The following SVIL variants were observed in gnomAD, a reference collection of about 807,000 sequenced individuals.
The protein encoded by SVIL is supervillin, also known as archvillin.
Under a neutral mutation model 240.4 loss-of-function variants are expected in SVIL, and 101 were observed. That is an observed-to-expected ratio of 0.42 (90% CI 0.36 to 0.50). The LOEUF (loss-of-function observed/expected upper bound fraction) is 0.50, where lower values mean the gene tolerates loss of function less well. Ranked by LOEUF, SVIL falls within the 20% of genes least tolerant of loss-of-function variation. The probability of loss-of-function intolerance (pLI) is 0.01; values close to 1 mark genes in which losing one functional copy is unlikely to be tolerated. For missense variants in SVIL, 2,512 were observed against 2,818.7 expected (o/e 0.89, Z 2.46); for synonymous variants, 999 against 1,100.0 (o/e 0.91, Z 1.82).
intron 28 of SVIL, among the ~76,000 whole-genome samples, chr10:29,481,223 T>C (rs1037346325): frequency 4.6e-5 from 7 of 151,734 alleles, no homozygotes; most frequent in African/African-American, 1.7e-4. Flanking sequence ...AGTATTTTAG[T>C]TGACACATTA....
intron 1 of SVIL, among the ~76,000 whole-genome samples, chr10:29,586,423 G>C (rs987352489): frequency 2.0e-5 from 3 of 152,084 alleles, no homozygotes; most frequent in African/African-American, 7.2e-5. Context: ...CTAGATACAT[G>C]AGCTATACCA....
In SVIL at chr10:29,512,789, C is replaced by T. The variant is rs1298518259; in HGVS notation, c.3462G>A (p.Lys1154=). The part of the protein sequence containing the change: ...NRLSRRQEGG[K]APASSLHTQE... ...GGGTGTGCAGGCTGCTGGCCGGCGC[C>T]TTGCCGCCCTCCTGCCTCCTGCTGA... Residue 1154 remains lysine (K), a synonymous_variant, in exon 17 of 38, where the codon AAG becomes AAA. Coordinates refer to ENST00000355867, the MANE Select transcript of SVIL (RefSeq NM_021738.3). 2 of 1,613,482 alleles carry T rather than the reference C, an allele frequency of 1.2e-6. No homozygotes were observed. Among genetic ancestry groups the T allele is most frequent in the East Asian group, 4.5e-5 (2 of 44,892 alleles).
At chr10:29,639,172 TTTTG>T (rs1328163565), upstream of SVIL, among the ~76,000 whole-genome samples, 2 of 152,128 alleles carry the variant, frequency 1.3e-5, no homozygotes, top group Non-Finnish European at 2.9e-5. Context: ...CCCCTTTCTT[TTTTG>T]TTTTTCTTTT....
intron 28 of SVIL, among the ~76,000 whole-genome samples, 173 bp from the exon 29 acceptor site, chr10:29,480,986 G>C (rs1289440991): frequency 6.6e-6 from 1 of 152,170 alleles, no homozygotes; most frequent in East Asian, 1.9e-4. Flanking sequence ...AAAGACTCTG[G>C]GAGGTCTGAA....
At chr10:29,585,968 T>G (rs1956151715) in intron 1 of SVIL, among the ~76,000 whole-genome samples, 1 of 152,260 alleles carries the variant, frequency 6.6e-6, no homozygotes. Flanking sequence ...ATGTGCAGCT[T>G]TGGTCCATGA....
At chr10:29,624,526 C>T (rs993622077) in intron 1 of SVIL, among the ~76,000 whole-genome samples, 1 of 152,102 alleles carries the variant, frequency 6.6e-6, no homozygotes, top group African/African-American at 2.4e-5. Context: ...AGTGAGACTT[C>T]GTCTCAAAAA....
chr10:29,621,958 T>G (rs958515401), intron 1 of SVIL, among the ~76,000 whole-genome samples: 1 of 151,948 alleles, frequency 6.6e-6, no homozygotes, highest in Non-Finnish European at 1.5e-5. Context: ...GCAAAGAACC[T>G]TGGAAACACT....
intron 18 of SVIL, chr10:29,496,262 G>C: frequency 5.6e-6 from 2 of 356,074 alleles, no homozygotes; most frequent in Non-Finnish European, 1.1e-5. Context: ...TTGATTGATG[G>C]TGTCAATAAA....
chr10:29,649,778 G>A (rs554277357), intron 3 of SVIL, among the ~76,000 whole-genome samples: 1 of 152,288 alleles, frequency 6.6e-6, no homozygotes, highest in South Asian at 2.1e-4. Context: ...TGGTTTGAAT[G>A]CGTCCCCCAG....
intron 1 of SVIL, among the ~76,000 whole-genome samples, chr10:29,613,509 T>A (rs533564270): frequency 8.6e-5 from 13 of 151,576 alleles, no homozygotes; most frequent in South Asian, 6.3e-4. Flanking sequence ...CTTAAAAAAA[T>A]TTTTTTTTGT....
intron 23 of SVIL, 108 bp downstream of exon 23, chr10:29,488,493 G>A (rs192092910): frequency 2.3e-6 from 3 of 1,285,142 alleles, no homozygotes; most frequent in African/African-American, 1.5e-5. Flanking sequence ...CTCAAAAAGT[G>A]TGCGTTCCTT....
chr10:29,511,510 T>C (rs1949833661), intron 17 of SVIL, among the ~76,000 whole-genome samples: 1 of 152,026 alleles, frequency 6.6e-6, no homozygotes, highest in Admixed American at 6.6e-5. Flanking sequence ...GAAGCAATGA[T>C]TTCAAGATTC....
intron 27 of SVIL, among the ~76,000 whole-genome samples, chr10:29,482,657 G>A (rs781153469): frequency 4.6e-5 from 7 of 152,234 alleles, no homozygotes; most frequent in Admixed American, 3.3e-4. Flanking sequence ...AGAGCACAGA[G>A]AGATAGGAAA....
intron 3 of SVIL, among the ~76,000 whole-genome samples, chr10:29,558,398 TA>T (rs879851578): frequency 4.6e-5 from 7 of 152,044 alleles, no homozygotes; most frequent in Admixed American, 3.3e-4. Context: ...AAAAGGAAAA[TA>T]AAAAAGTCTC....
chr10:29,689,979 C>T (rs1961378811), intron 1 of SVIL, among the ~76,000 whole-genome samples: 1 of 152,152 alleles, frequency 6.6e-6, no homozygotes, highest in Admixed American at 6.5e-5. Context: ...GAAACAATCA[C>T]TTCAGAGAAA....
At position 29,458,068 on chromosome 10, in the gene SVIL, C is replaced by G; in HGVS notation, c.*179G>C. On this transcript the variant is annotated 3_prime_UTR_variant, in exon 38 of 38. Transcript: ENST00000355867. ...TGGAAAGAAGTTTCCAAACAGTTCC[C>G]TTGAACATTTACAAAATACACAACT... 1.6e-6 allele frequency: 1 copy of G among 629,238 alleles called. No homozygotes were observed. The highest frequency in any genetic ancestry group is 2.7e-6 in the Non-Finnish European group (1 of 374,388). The allele number at this position is 629,238 out of a possible 1,614,324, so 39.0% of individuals were successfully genotyped here.
chr10:29,631,409 C>T (rs1484517326), intron 1 of SVIL, among the ~76,000 whole-genome samples: 4 of 119,758 alleles, frequency 3.3e-5, no homozygotes, highest in Admixed American at 8.3e-5. Context: ...TTTGGGAGGC[C>T]GAGGTGGGCA....
chr10:29,502,212 G>A (rs896287742), intron 17 of SVIL, among the ~76,000 whole-genome samples: 2 of 152,022 alleles, frequency 1.3e-5, no homozygotes, highest in African/African-American at 4.8e-5. Context: ...TACTTAGTAG[G>A]GTTAGCTTAG....
Position 29,660,918 on chromosome 10 carries a change from C to T in SVIL, c.-300-2850G>A, listed in dbSNP as rs182350278. Among the ~76,000 whole-genome samples, 489 of 151,800 alleles carry T rather than the reference C, an allele frequency of 3.2e-3. 4 individuals are homozygous for T. Among genetic ancestry groups the T allele is most frequent in the Non-Finnish European group, 2.7e-3 (185 of 67,916 alleles). On this transcript the variant is annotated intron_variant, in intron 2 of 35. Transcript: ENST00000375400. Reference sequence around the variant, plus strand: ...GTGTGGTGCCTCACGCCTGTAATCCCAGCACTCTGCGAGGCTGAGATGGGA... The same window carrying T: ...GTGTGGTGCCTCACGCCTGTAATCCTAGCACTCTGCGAGGCTGAGATGGGA...
Sources: gnomAD v4.1 joint callset for allele counts (sites outside exome capture counted in the v4.1 genomes callset) on GRCh38, gnomAD v4.1.1 for gene constraint, MANE v1.5 for transcripts, NCBI Gene and HGNC (gene_info 2026-07-23, HGNC 2026-07-21) for gene names.